The following STRN3 variants were observed in gnomAD, a reference collection of about 807,000 sequenced individuals.
STRN3 encodes the protein striatin 3.
A neutral mutation model predicts 95.6 loss-of-function variants in STRN3; 29 were observed. That is an observed-to-expected ratio of 0.30 (90% confidence interval 0.23 to 0.41). The LOEUF (loss-of-function observed/expected upper bound fraction) is 0.41. Among genes scored for constraint, STRN3 ranks in the 10% least tolerant of loss-of-function variants. The pLI, the probability that STRN3 is intolerant of heterozygous loss-of-function variation, is 1.00. For synonymous variants in STRN3, 331 were observed against 357.6 expected, an observed-to-expected ratio of 0.93 and a Z score of 0.84; for missense variants, 890 against 972.1, an observed-to-expected ratio of 0.92 and a Z score of 1.12.
intron 1 of STRN3, among the ~76,000 whole-genome samples, chr14:31,007,113 CA>C: frequency 6.6e-6 from 1 of 152,290 alleles, no homozygotes; most frequent in East Asian, 1.9e-4. Flanking sequence ...CAACTTTTCT[CA>C]AGAAACAATT....
intron 1 of STRN3, among the ~76,000 whole-genome samples, chr14:31,005,183 T>C (rs1431992084): frequency 6.6e-6 from 1 of 152,056 alleles, no homozygotes; most frequent in Admixed American, 6.5e-5. Context: ...AATACAAAAA[T>C]TAGCCGGGCA....
Position 30,936,616 on chromosome 14 carries a change from C to A in STRN3, c.725G>T (p.Gly242Val), listed in dbSNP as rs146578134. The A allele has an allele frequency of 3.1e-6, 5 of 1,611,712 alleles. No homozygotes were observed. The highest frequency in any genetic ancestry group is 4.2e-6 in the Non-Finnish European group (5 of 1,179,380). The change falls in exon 6 of 18, where the codon GGT becomes GTT. Residue 242 changes from glycine (G) to valine (V), a missense_variant. Gly to Val is a moderately radical substitution (Grantham distance 109). Around this residue, in one of 3 missense-constraint regions of STRN3, gnomAD observed 526 missense variants for 526.3 expected, o/e 1.00. Transcript: ENST00000357479. ...QKGQEIKRSS[G>V]DVLETFNFLE... The stretch of plus-strand genomic sequence containing the variant: ...GAAATTGAACGTCTCAAGAACATCA[C>A]CAGAGGACCTGTGCGAAGGAAAAAA...
intron 5 of STRN3, among the ~76,000 whole-genome samples, chr14:30,941,971 T>C (rs1879115932): frequency 6.6e-6 from 1 of 152,182 alleles, no homozygotes; most frequent in Non-Finnish European, 1.5e-5. Context: ...TTCATACCCC[T>C]ATTTAAACCT....
chr14:30,911,087 C>A lies in STRN3; in HGVS notation c.1674G>T (p.Gln558His), dbSNP rs776519229. 2 of 1,614,072 alleles carry A rather than the reference C, an allele frequency of 1.2e-6. No homozygotes were observed. Among genetic ancestry groups the A allele is most frequent in the South Asian group, 2.2e-5 (2 of 91,080 alleles). ...CFSGGIDATI[Q>H]WWNMPSPSVD... ...CACTGGGACTCGGCATATTCCACCA[C>A]TGGATGGTTGCATCAATACCACCAC... Residue 558 changes from glutamine (Q) to histidine (H), a missense_variant, in exon 13 of 18, where the codon CAG becomes CAT. Coordinates refer to ENST00000357479, the MANE Select transcript of STRN3 (RefSeq NM_001083893.2).
At chr14:30,975,836 TAAAAAAAA>T (rs528570710) in intron 1 of STRN3, among the ~76,000 whole-genome samples, 4 of 113,122 alleles carry the variant, frequency 3.5e-5, no homozygotes, top group African/African-American at 1.0e-4. Context: ...CCTGGCTCTT[TAAAAAAAA>T]AAAAAAAAAA....
chr14:30,915,173 T>C (rs775963895), intron 9 of STRN3, among the ~76,000 whole-genome samples: 2 of 152,024 alleles, frequency 1.3e-5, no homozygotes, highest in African/African-American at 4.8e-5. Context: ...AAAATTCCCA[T>C]GAAAAATGAT....
chr14:30,984,855 C>T (rs1415004870), intron 1 of STRN3, among the ~76,000 whole-genome samples: 1 of 152,058 alleles, frequency 6.6e-6, no homozygotes, highest in African/African-American at 2.4e-5. Flanking sequence ...ACATTCAGAA[C>T]TCTAACAGCT....
intron 1 of STRN3, among the ~76,000 whole-genome samples, chr14:31,019,567 G>A (rs1054772277): frequency 2.0e-5 from 3 of 152,164 alleles, no homozygotes; most frequent in Non-Finnish European, 4.4e-5. Flanking sequence ...AAACAAACCT[G>A]TCAGGAGATT....
chr14:31,001,195 A>G (rs1882434656), intron 1 of STRN3, among the ~76,000 whole-genome samples: 1 of 152,200 alleles, frequency 6.6e-6, no homozygotes, highest in Admixed American at 6.5e-5. Flanking sequence ...AAAAATTCAT[A>G]TATTCTTAAC....
rs534518225 is a variant in STRN3 at position 30,953,308 on chromosome 14, C to T, written c.460+2312G>A. ...CTTTCTTGTGCCCTCCAGTCACTAG[C>T]CACTCCAAAAAGGGTATGAATGCTA... On this transcript the variant is annotated intron_variant, in intron 3 of 17. Transcript: ENST00000357479. 7.2e-5 allele frequency among the ~76,000 whole-genome samples: 11 copies of T among 152,188 alleles called. No individual in the cohort carries two copies. The East Asian group carries it at 2.1e-3, about 29-fold the overall frequency.
rs369373717 is a variant in STRN3, at chr14:30,919,047, G to A, written c.1159C>T (p.His387Tyr). ...IADLGDDELPHIPSGIINQSR... is the reference protein window; with the variant it reads ...IADLGDDELPYIPSGIINQSR... ...TGATTAATGATTCCTGAAGGGATGT[G>A]GGGCAGCTCATCATCTCCCAGATCA... Residue 387 changes from histidine to tyrosine, a missense_variant, in exon 9 of 18, where the codon CAC becomes TAC. By Grantham distance (83) the His-to-Tyr change is moderately conservative (BLOSUM62 2). Coordinates refer to ENST00000357479, the MANE Select transcript of STRN3 (RefSeq NM_001083893.2). 1.2e-6 allele frequency: 2 copies of A among 1,611,778 alleles called. No individual in the cohort carries two copies.
At chr14:30,898,669 C>A (rs755197128) in intron 16 of STRN3, among the ~76,000 whole-genome samples, 10 of 152,176 alleles carry the variant, frequency 6.6e-5, no homozygotes, top group Non-Finnish European at 1.2e-4. Flanking sequence ...CTCTCCTTCA[C>A]TAACATATAC....
At chr14:30,982,034 G>T (rs1292272917) in intron 1 of STRN3, among the ~76,000 whole-genome samples, 1 of 142,276 alleles carries the variant, frequency 7.0e-6, no homozygotes, top group African/African-American at 2.6e-5. Flanking sequence ...AGGCAGGGAG[G>T]TTGCAGTGAG....
At chr14:31,025,471 A>AG (rs1462183172) in intron 1 of STRN3, 1 of 158,082 alleles carries the variant, frequency 6.3e-6, no homozygotes, top group Non-Finnish European at 1.3e-5. Context: ...GGTCCGGAAA[A>AG]GGGGGGTAAG....
At chr14:30,961,740 G>A (rs1880218803) in intron 1 of STRN3, among the ~76,000 whole-genome samples, 2 of 152,156 alleles carry the variant, frequency 1.3e-5, no homozygotes, top group African/African-American at 4.8e-5. Flanking sequence ...TCCTGCTTCA[G>A]CTTAAGGCTC....
intron 1 of STRN3, among the ~76,000 whole-genome samples, chr14:30,962,859 CTATGTT>C (rs1255172035): frequency 6.6e-6 from 1 of 151,736 alleles, no homozygotes; most frequent in Non-Finnish European, 1.5e-5. Flanking sequence ...TATACCTTTT[CTATGTT>C]TAGATACACA....
intron 1 of STRN3, among the ~76,000 whole-genome samples, chr14:30,972,062 T>C (rs1369786438): frequency 6.6e-6 from 1 of 152,032 alleles, no homozygotes; most frequent in Admixed American, 6.5e-5. Context: ...TAGATATGAG[T>C]TCTAAATTTC....
intron 1 of STRN3, among the ~76,000 whole-genome samples, chr14:31,004,100 A>G (rs1351962678): frequency 6.6e-6 from 1 of 152,084 alleles, no homozygotes; most frequent in Non-Finnish European, 1.5e-5. Flanking sequence ...CTTAGGCAGC[A>G]TGGTGAAACC....
At chr14:31,004,299 A>AT (rs1882615775) in intron 1 of STRN3, among the ~76,000 whole-genome samples, 3 of 151,760 alleles carry the variant, frequency 2.0e-5, no homozygotes, top group Non-Finnish European at 4.4e-5. Context: ...CTAAAAAAAA[A>AT]GTTAAAAAAA....
Sources: gnomAD v4.1 joint callset for allele counts (sites outside exome capture counted in the v4.1 genomes callset) on GRCh38, gnomAD v4.1.1 for gene constraint, gnomAD v4.1.1 regional missense constraint, MANE v1.5 for transcripts, NCBI Gene and HGNC (gene_info 2026-07-23, HGNC 2026-07-21) for gene names.